The following PACRG variants were observed in gnomAD, a reference collection of about 807,000 sequenced individuals.
The protein encoded by PACRG is parkin coregulated gene protein.
PACRG carries 29 observed loss-of-function variants against 29.7 expected under a neutral mutation model. The observed-to-expected ratio is 0.98, with a 90% confidence interval of 0.73 to 1.33. PACRG has a LOEUF of 1.33. Ranked by LOEUF, PACRG falls within the 40% of genes most tolerant of loss-of-function variation. The pLI, the probability that PACRG is intolerant of heterozygous loss-of-function variation, is 0.00. For missense variants in PACRG, 279 were observed against 316.2 expected (o/e 0.88, Z 0.89); for synonymous variants, 116 against 118.7 (o/e 0.98, Z 0.15).
At chr6:163,257,561 CTA>C (rs1158526633) in intron 4 of PACRG, among the ~76,000 whole-genome samples, 1 of 152,162 alleles carries the variant, frequency 6.6e-6, no homozygotes, top group East Asian at 1.9e-4. Flanking sequence ...TGCTGTTTCT[CTA>C]TGTTTTCAAA....
intron 2 of PACRG, among the ~76,000 whole-genome samples, chr6:162,971,950 G>T (rs1214390092): frequency 6.6e-6 from 1 of 152,134 alleles, no homozygotes; most frequent in Non-Finnish European, 1.5e-5. Flanking sequence ...TCACCACGGC[G>T]CTCGCAGTTT....
intron 1 of PACRG, among the ~76,000 whole-genome samples, chr6:162,813,127 A>G (rs1469782506): frequency 6.6e-6 from 1 of 151,942 alleles, no homozygotes; most frequent in Non-Finnish European, 1.5e-5. Context: ...TATTTATTGT[A>G]TGTTATTTAG....
chr6:163,237,538 T>C (rs1343553705), intron 4 of PACRG, among the ~76,000 whole-genome samples: 1 of 152,218 alleles, frequency 6.6e-6, no homozygotes, highest in African/African-American at 2.4e-5. Context: ...TGAAAATGAA[T>C]GTAAGGCCAA....
At chr6:163,196,295 G>T (rs937355508) in intron 4 of PACRG, among the ~76,000 whole-genome samples, 1 of 152,170 alleles carries the variant, frequency 6.6e-6, no homozygotes. Flanking sequence ...TAATGACACC[G>T]TCGTCCCTCC....
At chr6:163,100,577 G>T (rs1234816618) in intron 4 of PACRG, among the ~76,000 whole-genome samples, 1 of 152,150 alleles carries the variant, frequency 6.6e-6, no homozygotes, top group Admixed American at 6.5e-5. Flanking sequence ...TTCTGCTGGC[G>T]GTGGCCCCCA....
intron 4 of PACRG, among the ~76,000 whole-genome samples, chr6:163,274,400 A>G (rs1002638588): frequency 6.6e-6 from 1 of 152,188 alleles, no homozygotes; most frequent in Non-Finnish European, 1.5e-5. Context: ...CATGGTGTTT[A>G]TGTGCCACAT....
chr6:162,918,631 T>C (rs1047783705), intron 2 of PACRG, among the ~76,000 whole-genome samples: 4 of 152,104 alleles, frequency 2.6e-5, no homozygotes, highest in African/African-American at 9.7e-5. Context: ...TTTTAAAGGA[T>C]AGAATGAAAT....
intron 4 of PACRG, among the ~76,000 whole-genome samples, chr6:163,149,084 T>A (rs1224513128): frequency 6.7e-6 from 1 of 150,028 alleles, no homozygotes; most frequent in African/African-American, 2.5e-5. Flanking sequence ...TTCCAGGCCC[T>A]GCAGGGCCGT....
chr6:162,859,753 G>C (rs918699389), intron 2 of PACRG, among the ~76,000 whole-genome samples: 13 of 152,086 alleles, frequency 8.5e-5, no homozygotes, highest in Non-Finnish European at 1.6e-4. Flanking sequence ...AGTACATTAG[G>C]TCGTACCCCC....
intron 1 of PACRG, among the ~76,000 whole-genome samples, chr6:162,797,552 CT>C (rs1330887763): frequency 2.0e-5 from 3 of 152,126 alleles, no homozygotes. Flanking sequence ...GCAATGTTTG[CT>C]TTAATTTTTC....
intron 4 of PACRG, among the ~76,000 whole-genome samples, chr6:163,167,570 C>T (rs1216561412): frequency 6.6e-6 from 1 of 152,066 alleles, no homozygotes; most frequent in Admixed American, 6.6e-5. Context: ...ATATTCATAT[C>T]AAAATTTTCA....
chr6:162,890,404 A>G (rs1794668488), intron 2 of PACRG, among the ~76,000 whole-genome samples: 1 of 152,080 alleles, frequency 6.6e-6, no homozygotes, highest in South Asian at 2.1e-4. Context: ...TTTTTTCTCC[A>G]GATCTTCAAA....
intron 2 of PACRG, among the ~76,000 whole-genome samples, chr6:163,018,754 G>C (rs1806332134): frequency 6.6e-6 from 1 of 150,884 alleles, no homozygotes; most frequent in Non-Finnish European, 1.5e-5. Flanking sequence ...CCAGTCTTTT[G>C]GGGAGGGAGT....
chr6:163,172,501 C>T (rs1246565761), intron 4 of PACRG, among the ~76,000 whole-genome samples: 1 of 152,208 alleles, frequency 6.6e-6, no homozygotes, highest in East Asian at 1.9e-4. Flanking sequence ...CACACGCATG[C>T]ATGCACGCAC....
chr6:163,027,316 T>G (rs892748826), intron 2 of PACRG, among the ~76,000 whole-genome samples: 1 of 152,204 alleles, frequency 6.6e-6, no homozygotes, highest in Non-Finnish European at 1.5e-5. Context: ...CTTTTAATAC[T>G]GAGCAGATCT....
chr6:162,869,259 A>G (rs1022756325), intron 2 of PACRG, among the ~76,000 whole-genome samples: 2 of 152,294 alleles, frequency 1.3e-5, no homozygotes, highest in Admixed American at 6.5e-5. Context: ...CCATCTATGT[A>G]ACATAGCCTG....
At chr6:163,221,892 A>G (rs1364467588) in intron 4 of PACRG, among the ~76,000 whole-genome samples, 1 of 152,160 alleles carries the variant, frequency 6.6e-6, no homozygotes, top group Non-Finnish European at 1.5e-5. Context: ...GCACAGCCAG[A>G]CTGTTAAGGG....
intron 2 of PACRG, among the ~76,000 whole-genome samples, chr6:162,960,578 G>C (rs1158668393): frequency 1.3e-5 from 2 of 152,114 alleles, no homozygotes; most frequent in Non-Finnish European, 2.9e-5. Flanking sequence ...CGTAAACATG[G>C]GGACAACTGA....
At chr6:162,930,109 TA>T (rs560507311) in intron 2 of PACRG, among the ~76,000 whole-genome samples, 335 of 151,960 alleles carry the variant, frequency 2.2e-3, no homozygotes, top group Non-Finnish European at 3.6e-3. Context: ...CTTCAGGATT[TA>T]AAAAAATATA....
Sources: gnomAD v4.1 joint callset for allele counts (sites outside exome capture counted in the v4.1 genomes callset) on GRCh38, gnomAD v4.1.1 for gene constraint, MANE v1.5 for transcripts, NCBI Gene and HGNC (gene_info 2026-07-23, HGNC 2026-07-21) for gene names.